The following MAGI3 variants were observed in gnomAD, a reference collection of about 807,000 sequenced individuals.
MAGI3 encodes the protein membrane-associated guanylate kinase, WW and PDZ domain-containing protein 3.
A neutral mutation model predicts 121.8 loss-of-function variants in MAGI3; 43 were observed. The observed-to-expected ratio is 0.35, with a 90% CI of 0.28 to 0.46. MAGI3 has a LOEUF of 0.46. Among genes scored for constraint, MAGI3 ranks in the 20% least tolerant of loss-of-function variants. The probability of loss-of-function intolerance (pLI) is 1.00; values close to 1 mark genes in which losing one functional copy is unlikely to be tolerated. For synonymous variants in MAGI3, 553 were observed against 639.3 expected (o/e 0.86, Z 2.04); for missense variants, 1,547 against 1,797.3 (o/e 0.86, Z 2.52).
At chr1:113,413,249 G>A (rs1652103300) in intron 1 of MAGI3, among the ~76,000 whole-genome samples, 1 of 152,048 alleles carries the variant, frequency 6.6e-6, no homozygotes, top group Non-Finnish European at 1.5e-5. Context: ...ATCTGTTTTG[G>A]TACAAGTACC....
At chr1:113,639,488 G>A (rs529286240) in intron 9 of MAGI3, among the ~76,000 whole-genome samples, 5 of 152,236 alleles carry the variant, frequency 3.3e-5, no homozygotes, top group East Asian at 1.9e-4. Flanking sequence ...TGCAACCTCC[G>A]CCTCCTGCGT....
chr1:113,580,105 T>G (rs1647916562), intron 2 of MAGI3, among the ~76,000 whole-genome samples: 1 of 152,140 alleles, frequency 6.6e-6, no homozygotes, highest in Admixed American at 6.6e-5. Flanking sequence ...AAAAATTACT[T>G]GAAGAGAATA....
intron 19 of MAGI3, among the ~76,000 whole-genome samples, chr1:113,676,413 A>G (rs1647867965): frequency 6.6e-6 from 1 of 152,210 alleles, no homozygotes; most frequent in Non-Finnish European, 1.5e-5. Flanking sequence ...AAAAACGACA[A>G]CATGACATGC....
intron 5 of MAGI3, among the ~76,000 whole-genome samples, chr1:113,593,889 A>G (rs1413071309): frequency 6.6e-6 from 1 of 152,334 alleles, no homozygotes; most frequent in Non-Finnish European, 1.5e-5. Flanking sequence ...TTTGTAGAGC[A>G]GAGTTTAACT....
In MAGI3 at chr1:113,600,170, G is replaced by A. The variant is rs1009250199; in HGVS notation, c.1018+5610G>A. ...CCTTTGAAAACTGGCACAAGACAGG[G>A]GTGCCCTCTCTCACCACTCCTATTC... On this transcript the variant is annotated intron_variant, in intron 6 of 20. Coordinates refer to ENST00000307546, the MANE Select transcript of MAGI3 (RefSeq NM_001142782.2). 4.3e-4 allele frequency among the ~76,000 whole-genome samples: 65 copies of A among 152,302 alleles called. 1 individual carries two copies. The highest frequency in any genetic ancestry group is 1.4e-3 in the African/African-American group (60 of 41,562).
chr1:113,440,453 G>C (rs1473482329), intron 1 of MAGI3, among the ~76,000 whole-genome samples: 1 of 152,110 alleles, frequency 6.6e-6, no homozygotes, highest in Non-Finnish European at 1.5e-5. Flanking sequence ...AAAAGGAATG[G>C]TATCATCTGT....
intron 1 of MAGI3, among the ~76,000 whole-genome samples, chr1:113,487,140 C>T (rs957341621): frequency 7.2e-5 from 11 of 151,946 alleles, no homozygotes; most frequent in African/African-American, 2.7e-4. Context: ...ATTGGGTGCT[C>T]TAGGAAATGT....
chr1:113,580,836 T>A (rs1455524598), intron 3 of MAGI3, 175 bp downstream of exon 3: 1 of 459,978 alleles, frequency 2.2e-6, no homozygotes, highest in Non-Finnish European at 3.6e-6. Flanking sequence ...AAAATGGGAT[T>A]AAATAATAAG....
At chr1:113,682,829 T>C (rs1479949477) in intron 20 of MAGI3, 68 bp from the exon 21 acceptor site, 2 of 1,465,640 alleles carry the variant, frequency 1.4e-6, no homozygotes, top group African/African-American at 2.8e-5. Flanking sequence ...GCTGTCAAAG[T>C]TCAAAACGTA....
At chr1:113,411,552 G>A (rs1651988011) in intron 1 of MAGI3, among the ~76,000 whole-genome samples, 3 of 151,928 alleles carry the variant, frequency 2.0e-5, no homozygotes, top group Admixed American at 6.6e-5. Context: ...TAACTATCGA[G>A]TATCTAGAAA....
At chr1:113,392,299 A>G (rs148937064) in intron 1 of MAGI3, among the ~76,000 whole-genome samples, 31 of 152,322 alleles carry the variant, frequency 2.0e-4, no homozygotes, top group Non-Finnish European at 3.2e-4. Context: ...TGTGATTGTA[A>G]CATTATTAGA....
intron 1 of MAGI3, among the ~76,000 whole-genome samples, chr1:113,513,596 C>G (rs1419727995): frequency 6.6e-6 from 1 of 152,094 alleles, no homozygotes; most frequent in Non-Finnish European, 1.5e-5. Context: ...GAAACTGGAT[C>G]CCTTCCTCAC....
chr1:113,651,310 T>G (rs1653150844), intron 14 of MAGI3, 104 bp downstream of exon 14: 4 of 1,077,386 alleles, frequency 3.7e-6, no homozygotes, highest in Non-Finnish European at 2.6e-6. Context: ...CAGTAGTATC[T>G]AAGATAACCC....
At chr1:113,479,040 G>A (rs762571542) in intron 1 of MAGI3, among the ~76,000 whole-genome samples, 15 of 152,318 alleles carry the variant, frequency 9.8e-5, no homozygotes, top group Non-Finnish European at 1.6e-4. Flanking sequence ...CTCTGTGGGC[G>A]TGGGAGCTGC....
intron 2 of MAGI3, among the ~76,000 whole-genome samples, chr1:113,562,202 G>C (rs564773958): frequency 6.6e-6 from 1 of 152,212 alleles, no homozygotes; most frequent in South Asian, 2.1e-4. Flanking sequence ...TCAGGAGATC[G>C]AGACCATCCT....
At chr1:113,497,515 A>C (rs1656988777) in intron 1 of MAGI3, among the ~76,000 whole-genome samples, 1 of 38,628 alleles carries the variant, frequency 2.6e-5, no homozygotes, top group Non-Finnish European at 5.0e-5. Flanking sequence ...CGGCTTAAGA[A>C]ACGGCGCACC....
At chr1:113,623,453 T>TATACACACAC (rs1553208647) in intron 9 of MAGI3, among the ~76,000 whole-genome samples, 3 of 126,104 alleles carry the variant, frequency 2.4e-5, no homozygotes, top group East Asian at 4.5e-4. Flanking sequence ...TACACACACA[T>TATACACACAC]ACACACACAC....
At chr1:113,543,684 A>G (rs1302119519) in intron 1 of MAGI3, among the ~76,000 whole-genome samples, 2 of 152,152 alleles carry the variant, frequency 1.3e-5, no homozygotes, top group East Asian at 3.9e-4. Flanking sequence ...TCTGGGCAAC[A>G]TGACAAAACA....
chr1:113,636,024 G>A (rs539252835), intron 9 of MAGI3, among the ~76,000 whole-genome samples: 1 of 152,202 alleles, frequency 6.6e-6, no homozygotes, highest in East Asian at 1.9e-4. Flanking sequence ...AGAGGTGTTT[G>A]TAGTATTCTC....
Sources: allele counts gnomAD v4.1 joint callset (sites outside exome capture counted in the v4.1 genomes callset), GRCh38; gene constraint gnomAD v4.1.1; transcripts MANE v1.5; gene names NCBI Gene and HGNC (gene_info 2026-07-23, HGNC 2026-07-21).